The following SRGAP1 variants were observed in gnomAD, a reference collection of about 807,000 sequenced individuals.
The protein encoded by SRGAP1 is SLIT-ROBO Rho GTPase-activating protein 1.
Under a neutral mutation model 121.9 loss-of-function variants are expected in SRGAP1, and 43 were observed. That is an observed-to-expected ratio of 0.35 (90% CI 0.28 to 0.46). The LOEUF (loss-of-function observed/expected upper bound fraction) is 0.46, where lower values mean the gene tolerates loss of function less well. Ranked by LOEUF, SRGAP1 falls within the 20% of genes least tolerant of loss-of-function variation. SRGAP1 has a pLI of 1.00. For missense variants in SRGAP1, 1,102 were observed against 1,350.9 expected, an observed-to-expected ratio of 0.82 and a Z score of 2.89; for synonymous variants, 447 against 485.4, an observed-to-expected ratio of 0.92 and a Z score of 1.04.
chr12:63,989,919 G>T lies in SRGAP1; in HGVS notation c.273G>T (p.Gln91His). ...TKDHQQYKKDQNLLSPVNCWY... is the reference protein window; with the variant it reads ...TKDHQQYKKDHNLLSPVNCWY... ...TTTCTTCACTTCTTAGGAAAGACCA[G>T]AACCTGTTGTCTCCAGTGAACTGCT... Residue 91 changes from glutamine (Q) to histidine (H), a missense_variant, in exon 3 of 22, where the codon CAG becomes CAT. This residue lies in a region of SRGAP1 where 747 missense variants were observed against 929.4 expected (regional missense o/e 0.80). Transcript: ENST00000355086. 2 of 1,606,440 alleles carry T rather than the reference G, an allele frequency of 1.2e-6. No homozygotes were observed. Among genetic ancestry groups the T allele is most frequent in the Non-Finnish European group, 1.7e-6 (2 of 1,177,666 alleles).
At chr12:64,097,543 A>T in intron 15 of SRGAP1, 168 bp downstream of exon 15, 1 of 693,642 alleles carries the variant, frequency 1.4e-6, no homozygotes. Context: ...TCATCCTCCC[A>T]GCTGTGGCCT....
chr12:63,933,507 G>A lies in SRGAP1; in HGVS notation c.68-50440G>A, dbSNP rs1592958082. Among the ~76,000 whole-genome samples the A allele has an allele frequency of 2.6e-5, 4 of 152,070 alleles. 1 individual carries two copies. The South Asian group carries it at 8.3e-4, about 32-fold the overall frequency. On this transcript the variant is annotated intron_variant, in intron 1 of 21. Transcript: ENST00000355086. Reference sequence around the variant, plus strand: ...TAGCTGAGATTTAGAAGCATACCAAGAACAAACAAACAAAAAACCTACACA... The same window carrying A: ...TAGCTGAGATTTAGAAGCATACCAAAAACAAACAAACAAAAAACCTACACA...
chr12:63,883,119 G>A (rs971203320), intron 1 of SRGAP1, among the ~76,000 whole-genome samples: 4 of 152,208 alleles, frequency 2.6e-5, no homozygotes, highest in African/African-American at 9.7e-5. Context: ...TTAGGCTCAG[G>A]CCCACAGGGA....
chr12:64,096,983 T>C (rs2036167440), intron 14 of SRGAP1, among the ~76,000 whole-genome samples: 1 of 152,206 alleles, frequency 6.6e-6, no homozygotes, highest in Non-Finnish European at 1.5e-5. Context: ...CAATATTTTA[T>C]TTTAAGATTT....
intron 1 of SRGAP1, among the ~76,000 whole-genome samples, chr12:63,913,454 CATATATATAT>C (rs570506869): frequency 6.4e-5 from 8 of 124,102 alleles, no homozygotes; most frequent in South Asian, 2.8e-4. Context: ...ACTGTGTCCA[CATATATATAT>C]ATATATATAT....
Position 64,007,987 on chromosome 12 carries a change from G to A in SRGAP1, c.427-8963G>A, listed in dbSNP as rs183355205. Among the ~76,000 whole-genome samples, 5 of 152,236 alleles carry A rather than the reference G, an allele frequency of 3.3e-5. No homozygotes were observed. The East Asian group carries it at 7.7e-4, about 23-fold the overall frequency. ...TTAGAAAAACAAAGTGTCTTCACAAGATAAAGATAAGATGCTGAGCTAATA... is the reference window on the plus strand; with the variant it reads ...TTAGAAAAACAAAGTGTCTTCACAAAATAAAGATAAGATGCTGAGCTAATA... On this transcript the variant is annotated intron_variant, in intron 3 of 21. Coordinates refer to ENST00000355086, the MANE Select transcript of SRGAP1 (RefSeq NM_020762.4).
At chr12:63,998,173 C>T (rs2033768567) in intron 3 of SRGAP1, among the ~76,000 whole-genome samples, 1 of 152,204 alleles carries the variant, frequency 6.6e-6, no homozygotes, top group Non-Finnish European at 1.5e-5. Flanking sequence ...GGGAAGAGAC[C>T]TTCATGTTGT....
intron 1 of SRGAP1, among the ~76,000 whole-genome samples, chr12:63,924,156 TAAAAGAA>T (rs1267055309): frequency 6.6e-6 from 1 of 151,980 alleles, no homozygotes; most frequent in Non-Finnish European, 1.5e-5. Flanking sequence ...AGACCCCATT[TAAAAGAA>T]AAAAGAAAAA....
intron 1 of SRGAP1, chr12:63,887,945 C>A (rs889406098): frequency 1.3e-4 from 20 of 152,244 alleles, no homozygotes; most frequent in Non-Finnish European, 2.4e-4. Flanking sequence ...CATTCATTTC[C>A]TTTCCTCTGT....
chr12:63,965,657 A>C (rs1817304807), intron 1 of SRGAP1, among the ~76,000 whole-genome samples: 1 of 152,170 alleles, frequency 6.6e-6, no homozygotes, highest in Non-Finnish European at 1.5e-5. Context: ...GTGAGACCTC[A>C]TCTCTGCAAA....
intron 1 of SRGAP1, among the ~76,000 whole-genome samples, chr12:63,929,135 C>CT (rs2031370087): frequency 6.6e-6 from 1 of 152,150 alleles, no homozygotes; most frequent in African/African-American, 2.4e-5. Context: ...CACTTAAGGT[C>CT]TGTGTGTTTG....
At chr12:63,934,230 G>A (rs936643302) in intron 1 of SRGAP1, among the ~76,000 whole-genome samples, 2 of 152,166 alleles carry the variant, frequency 1.3e-5, no homozygotes, top group Non-Finnish European at 1.5e-5. Flanking sequence ...CCCATCCATT[G>A]TGTTGCTTCA....
At chr12:64,007,942 A>G (rs1181572890) in intron 3 of SRGAP1, among the ~76,000 whole-genome samples, 1 of 152,200 alleles carries the variant, frequency 6.6e-6, no homozygotes, top group Non-Finnish European at 1.5e-5. Context: ...GTTTATATGA[A>G]TAGACTGTTG....
intron 1 of SRGAP1, among the ~76,000 whole-genome samples, chr12:63,969,035 G>T (rs1002305426): frequency 1.3e-5 from 2 of 152,148 alleles, no homozygotes; most frequent in African/African-American, 4.8e-5. Flanking sequence ...ACTGTGGGTC[G>T]GTGTGGAAAG....
At chr12:64,102,617 G>A (rs1354610879) in intron 15 of SRGAP1, among the ~76,000 whole-genome samples, 1 of 152,008 alleles carries the variant, frequency 6.6e-6, no homozygotes, top group Non-Finnish European at 1.5e-5. Flanking sequence ...TCTACTTTCC[G>A]TCTCTATAGA....
intron 1 of SRGAP1, among the ~76,000 whole-genome samples, chr12:63,852,123 G>A (rs1450842300): frequency 6.6e-6 from 1 of 152,082 alleles, no homozygotes; most frequent in Non-Finnish European, 1.5e-5. Flanking sequence ...CTCCTGTGTA[G>A]CTGGGACTAT....
At chr12:63,903,903 G>A (rs936601128) in intron 1 of SRGAP1, among the ~76,000 whole-genome samples, 1 of 152,144 alleles carries the variant, frequency 6.6e-6, no homozygotes, top group African/African-American at 2.4e-5. Context: ...AAATTGCTGG[G>A]ATTACAGGCA....
At chr12:63,942,109 CT>C (rs1348137239) in intron 1 of SRGAP1, among the ~76,000 whole-genome samples, 1 of 152,166 alleles carries the variant, frequency 6.6e-6, no homozygotes, top group African/African-American at 2.4e-5. Flanking sequence ...AACTCTCCCC[CT>C]CTCAACACCC....
chr12:63,870,106 A>T (rs1161888461), intron 1 of SRGAP1, among the ~76,000 whole-genome samples: 1 of 152,210 alleles, frequency 6.6e-6, no homozygotes, highest in Non-Finnish European at 1.5e-5. Flanking sequence ...CTTCCAAAAA[A>T]CTAGGAAGAA....
Sources: gnomAD v4.1 joint callset for allele counts (sites outside exome capture counted in the v4.1 genomes callset) on GRCh38, gnomAD v4.1.1 for gene constraint, gnomAD v4.1.1 regional missense constraint, MANE v1.5 for transcripts, NCBI Gene and HGNC (gene_info 2026-07-23, HGNC 2026-07-21) for gene names.